UGT1A10: variants seen among roughly 807,000 people sequenced by gnomAD.
UGT1A10 encodes UDP glucuronosyltransferase family 1 member A10, also known as UDP-glucuronosyltransferase 1A10.
In UGT1A10, 49 loss-of-function variants were observed where a neutral mutation model predicts 45.8. That is an observed-to-expected ratio of 1.07 (90% CI 0.85 to 1.36). The LOEUF (loss-of-function observed/expected upper bound fraction) is 1.36, where lower values mean the gene tolerates loss of function less well. UGT1A10 is among the 40% of genes most tolerant of loss of function. The pLI is 0.00. For synonymous variants in UGT1A10, 284 were observed against 249.7 expected (o/e 1.14, Z -1.29); for missense variants, 745 against 668.6 (o/e 1.11, Z -1.26).
At chr2:233,696,465 G>T (rs1012923510) in intron 1 of UGT1A10, among the ~76,000 whole-genome samples, 1 of 152,088 alleles carries the variant, frequency 6.6e-6, no homozygotes, top group Admixed American at 6.5e-5. Context: ...ATTTTTGTAA[G>T]TTGATCTTGT....
intron 1 of UGT1A10, among the ~76,000 whole-genome samples, chr2:233,674,964 G>A (rs186147617): frequency 6.6e-6 from 1 of 152,268 alleles, no homozygotes; most frequent in African/African-American, 2.4e-5. Context: ...TGGGAAACAG[G>A]ATTCAGAGTC....
chr2:233,768,794 G>C (rs1447773393), intron 4 of UGT1A10, among the ~76,000 whole-genome samples: 4 of 151,952 alleles, frequency 2.6e-5, no homozygotes, highest in African/African-American at 7.2e-5. Flanking sequence ...ATGTTTGTCA[G>C]GCTGGTCTTG....
chr2:233,636,701 C>A lies in UGT1A10; in HGVS notation c.179C>A (p.Pro60Gln), dbSNP rs746748639. The A allele has an allele frequency of 6.2e-7, 1 of 1,614,042 alleles. No individual in the cohort carries two copies. Among genetic ancestry groups the A allele is most frequent in the Non-Finnish European group, 8.5e-7 (1 of 1,179,956 alleles). The change falls in exon 1 of 5, where the codon CCA (proline) becomes CAA (glutamine). Residue 60 changes from proline to glutamine, a missense_variant. By Grantham distance (76) the Pro-to-Gln change is moderately conservative (BLOSUM62 -1). Coordinates refer to ENST00000344644, the MANE Select transcript of UGT1A10 (RefSeq NM_019075.4). ...GGGCATGAGGTGGTTGTAGTCATGC[C>A]AGAGGTGAGTTGGCAACTGGAAAGA... ...LRGHEVVVVM[P>Q]EVSWQLERSL...
chr2:233,751,021 C>G (rs74787288), intron 1 of UGT1A10, among the ~76,000 whole-genome samples: 5,661 of 151,884 alleles, frequency 0.037, 155 homozygotes, highest in Non-Finnish European at 0.057. Flanking sequence ...AATAGTAGAT[C>G]CAATAGCTTG....
intron 1 of UGT1A10, among the ~76,000 whole-genome samples, chr2:233,677,241 C>A (rs904889604): frequency 6.6e-6 from 1 of 152,106 alleles, no homozygotes; most frequent in Admixed American, 6.5e-5. Context: ...CTTTCACATC[C>A]TTTGTCAGAT....
At chr2:233,683,523 C>T (rs2074638591) in intron 1 of UGT1A10, among the ~76,000 whole-genome samples, 1 of 152,004 alleles carries the variant, frequency 6.6e-6, no homozygotes, top group African/African-American at 2.4e-5. Flanking sequence ...AGTATGGTTG[C>T]TTGGTTTTCA....
At chr2:233,724,256 C>T (rs2077196929) in intron 1 of UGT1A10, among the ~76,000 whole-genome samples, 1 of 131,772 alleles carries the variant, frequency 7.6e-6, no homozygotes, top group African/African-American at 2.9e-5. Flanking sequence ...CGCCCCTCAC[C>T]TCCCGGACGG....
At chr2:233,735,712 C>CA (rs2078686822) in intron 1 of UGT1A10, among the ~76,000 whole-genome samples, 1 of 152,140 alleles carries the variant, frequency 6.6e-6, no homozygotes, top group Non-Finnish European at 1.5e-5. Flanking sequence ...CTGGTGGTGA[C>CA]AAAATCTCTC....
At position 233,773,024 on chromosome 2, in the gene UGT1A10, G is replaced by A. The variant is rs1575873040; in HGVS notation, c.*465G>A. 2 of 199,282 alleles carry A rather than the reference G, an allele frequency of 1.0e-5. No homozygotes were observed. The highest frequency in any genetic ancestry group is 5.3e-5 in the Admixed American group (1 of 18,910). The allele number at this position is 199,282 out of a possible 1,614,324, so 12.3% of individuals were successfully genotyped here. On this transcript the variant is annotated 3_prime_UTR_variant, in exon 5 of 5. Coordinates refer to ENST00000344644, the MANE Select transcript of UGT1A10 (RefSeq NM_019075.4). ...GTGCTTCATAGGTGCCACCTTGTGT[G>A]TTTAAAGAAGGGAAGCTTTGTACCT... is the stretch of plus-strand genomic sequence containing the variant.
In UGT1A10 at chr2:233,761,665, G is replaced by C. The variant is rs555006913; in HGVS notation, c.856-5369G>C. Among the ~76,000 whole-genome samples, 14 of 152,352 alleles carry C rather than the reference G, an allele frequency of 9.2e-5. No homozygotes were observed. The South Asian group carries it at 2.5e-3, about 27-fold the overall frequency. ...TTCTCTTCTAATGAGTGAATCACCA[G>C]ACAGTCAGGTTCTGACATGATACAG... On this transcript the variant is annotated intron_variant, in intron 1 of 4. Transcript: ENST00000344644.
intron 1 of UGT1A10, among the ~76,000 whole-genome samples, chr2:233,659,132 C>T (rs1248102649): frequency 6.6e-6 from 1 of 152,174 alleles, no homozygotes; most frequent in Non-Finnish European, 1.5e-5. Context: ...TAGTCTTTCA[C>T]ATCTTTGATC....
chr2:233,672,820 A>T, intron 1 of UGT1A10: 1 of 1,579,740 alleles, frequency 6.3e-7, no homozygotes, highest in Non-Finnish European at 8.6e-7. Flanking sequence ...CACCTTAAGA[A>T]TACTTCACCT....
At chr2:233,746,624 G>C (rs934218336) in intron 1 of UGT1A10, among the ~76,000 whole-genome samples, 2 of 151,670 alleles carry the variant, frequency 1.3e-5, no homozygotes, top group Non-Finnish European at 2.9e-5. Context: ...CTCCTTTCAG[G>C]CAAGGACCAT....
intron 1 of UGT1A10, among the ~76,000 whole-genome samples, chr2:233,766,110 G>T (rs1275743643): frequency 6.6e-6 from 1 of 152,184 alleles, no homozygotes; most frequent in Non-Finnish European, 1.5e-5. Context: ...TATCCTGGGG[G>T]CTTGCCTTGG....
intron 1 of UGT1A10, among the ~76,000 whole-genome samples, chr2:233,671,082 G>C (rs1013423424): frequency 6.6e-6 from 1 of 152,206 alleles, no homozygotes; most frequent in African/African-American, 2.4e-5. Flanking sequence ...AAAACACAAA[G>C]TTGACATCAC....
At chr2:233,755,133 A>C (rs576279774) in intron 1 of UGT1A10, 1 of 1,319,072 alleles carries the variant, frequency 7.6e-7, no homozygotes, top group Admixed American at 1.9e-5. Flanking sequence ...CACCTGCTTG[A>C]ATCTTCTCAC....
chr2:233,713,202 GA>G, intron 1 of UGT1A10: 1 of 1,614,240 alleles, frequency 6.2e-7, no homozygotes, highest in Non-Finnish European at 8.5e-7. Context: ...GTACATCAAA[GA>G]AGAGAACTTT....
intron 1 of UGT1A10, among the ~76,000 whole-genome samples, chr2:233,707,382 A>G (rs1046947918): frequency 1.3e-5 from 2 of 151,700 alleles, no homozygotes; most frequent in Non-Finnish European, 2.9e-5. Flanking sequence ...CTCAGCATCC[A>G]TGAGCTATTC....
chr2:233,732,491 G>C (rs2078277283), intron 1 of UGT1A10, among the ~76,000 whole-genome samples: 1 of 152,184 alleles, frequency 6.6e-6, no homozygotes, highest in African/African-American at 2.4e-5. Flanking sequence ...TTTGTATAAG[G>C]CGTAAGGAAG....
Sources: gnomAD v4.1 joint callset for allele counts (sites outside exome capture counted in the v4.1 genomes callset) on GRCh38, gnomAD v4.1.1 for gene constraint, MANE v1.5 for transcripts, NCBI Gene and HGNC (gene_info 2026-07-23, HGNC 2026-07-21) for gene names.